The following ARID1A variants were observed in gnomAD, a reference collection of about 807,000 sequenced individuals.
ARID1A encodes AT-rich interaction domain 1A.
Under a neutral mutation model 212.6 loss-of-function variants are expected in ARID1A, and 20 were observed. That is an observed-to-expected ratio of 0.09 (90% CI 0.07 to 0.14). ARID1A has a LOEUF of 0.14. ARID1A is among the 10% of genes least tolerant of loss of function. The probability of loss-of-function intolerance (pLI) is 1.00; values close to 1 mark genes in which losing one functional copy is unlikely to be tolerated. For missense variants in ARID1A, 2,587 were observed against 3,059.0 expected (o/e 0.85, Z 3.64); for synonymous variants, 1,376 against 1,222.1 (o/e 1.13, Z -2.63).
rs767377286 is a variant in ARID1A at position 26,771,490 on chromosome 1, A to G, written c.3406+164A>G. 5.6e-6 allele frequency: 4 copies of G among 713,178 alleles called. No individual in the cohort carries two copies. Among genetic ancestry groups the G allele is most frequent in the Non-Finnish European group, 9.2e-6 (4 of 434,276 alleles). The allele number at this position is 713,178 out of a possible 1,614,324, so 44.2% of individuals were successfully genotyped here. On this transcript the variant is annotated intron_variant, in intron 12 of 19. Transcript: ENST00000324856. The surrounding 1 kb of genome is among the most constrained non-coding windows in gnomAD (Gnocchi z 5.4). ...CAGGTTGGCTGACTAGAGAGTGGGC[A>G]GTGGAAACTCCCTTGGGAGGTACTC...
chr1:26,717,464 T>G (rs2080514244), intron 1 of ARID1A, among the ~76,000 whole-genome samples: 1 of 152,246 alleles, frequency 6.6e-6, no homozygotes, highest in African/African-American at 2.4e-5. Flanking sequence ...TATACTTTTT[T>G]TTCTTTCTCA....
At chr1:26,738,857 C>T (rs1359596259) in intron 4 of ARID1A, among the ~76,000 whole-genome samples, 1 of 149,816 alleles carries the variant, frequency 6.7e-6, no homozygotes, top group Non-Finnish European at 1.5e-5. Flanking sequence ...CTGCGCCCAG[C>T]TTCTGTAACT....
intron 7 of ARID1A, among the ~76,000 whole-genome samples, chr1:26,762,530 G>A (rs1017233369): frequency 6.6e-5 from 10 of 152,284 alleles, no homozygotes; most frequent in African/African-American, 2.4e-4. Flanking sequence ...ATTTCACTGA[G>A]CCTCTGTTTC....
chr1:26,763,094 C>T lies in ARID1A; in HGVS notation c.2541C>T (p.Ile847=), dbSNP rs151274586. ...AGGQMHGQPG[I]PPYGTLPPGR... Reference sequence around the variant, plus strand: ...GTCAAATGCATGGACAGCCTGGCATCCCACCTTATGGCACACTCCCTCCAG... The same window carrying T: ...GTCAAATGCATGGACAGCCTGGCATTCCACCTTATGGCACACTCCCTCCAG... Residue 847 remains isoleucine (I), a synonymous_variant, in exon 8 of 20, where the codon ATC becomes ATT. Coordinates refer to ENST00000324856, the MANE Select transcript of ARID1A (RefSeq NM_006015.6). 2 of 1,614,276 alleles carry T rather than the reference C, an allele frequency of 1.2e-6. No individual in the cohort carries two copies. The highest frequency in any genetic ancestry group is 1.7e-6 in the Non-Finnish European group (2 of 1,180,048).
At chr1:26,742,769 G>A (rs1420684822) in intron 4 of ARID1A, among the ~76,000 whole-genome samples, 1 of 152,048 alleles carries the variant, frequency 6.6e-6, no homozygotes, top group Non-Finnish European at 1.5e-5. Flanking sequence ...GGGAGTTCGA[G>A]AGCAGCCTGA....
At chr1:26,720,128 G>A (rs1005535279) in intron 1 of ARID1A, among the ~76,000 whole-genome samples, 1 of 151,690 alleles carries the variant, frequency 6.6e-6, no homozygotes, top group African/African-American at 2.4e-5. Context: ...GCATGCACCT[G>A]TAATCTCAGC....
At chr1:26,725,852 CTT>C (rs71007888) in intron 1 of ARID1A, among the ~76,000 whole-genome samples, 55 of 126,702 alleles carry the variant, frequency 4.3e-4, no homozygotes, top group Non-Finnish European at 5.5e-4. Context: ...TGGTATAAAC[CTT>C]TTTTTTTTTT....
Position 26,748,100 on chromosome 1 carries a change from C to T in ARID1A, c.1921-12756C>T, listed in dbSNP as rs372292975. ...ACCAGTAGGCTAAGGTAGGGAAGAC[C>T]ACTGACAAGTATAAATTTAAGAGTT... On this transcript the variant is annotated intron_variant, in intron 4 of 19. Coordinates refer to ENST00000324856, the MANE Select transcript of ARID1A (RefSeq NM_006015.6). 1.7e-4 allele frequency among the ~76,000 whole-genome samples: 26 copies of T among 152,036 alleles called. No individual in the cohort carries two copies. In the East Asian group the frequency reaches 1.7e-3, roughly 10 times the overall value.
chr1:26,773,120 C>T (rs1230288370), intron 14 of ARID1A, 133 bp downstream of exon 14: 7 of 1,293,830 alleles, frequency 5.4e-6, no homozygotes, highest in Admixed American at 5.2e-5. Flanking sequence ...CCCTAACTAC[C>T]CCTCTTCATC....
intron 1 of ARID1A, among the ~76,000 whole-genome samples, chr1:26,715,994 C>T (rs936469163): frequency 6.6e-6 from 1 of 151,906 alleles, no homozygotes; most frequent in African/African-American, 2.4e-5. Flanking sequence ...ATCATGAGGT[C>T]AGGAGTTTGA....
Position 26,773,415 on chromosome 1 carries a change from G to A in ARID1A, c.3785G>A (p.Arg1262His), listed in dbSNP as rs140125151. Residue 1262 changes from arginine (R) to histidine (H), a missense_variant, in exon 15 of 20, where the codon CGT becomes CAT. This residue lies in a region of ARID1A where 890 missense variants were observed against 1,098.2 expected (regional missense o/e 0.81). Coordinates refer to ENST00000324856, the MANE Select transcript of ARID1A (RefSeq NM_006015.6). The part of the protein sequence containing the change: ...PNGGMGDPYS[R>H]AAGPGLGNVA... ...GGCGGGATGGGTGACCCCTACAGTC[G>A]TGCTGCCGGCCCTGGGCTAGGAAAT... The A allele has an allele frequency of 1.6e-5, 26 of 1,613,118 alleles. No homozygotes were observed. Among genetic ancestry groups the A allele is most frequent in the South Asian group, 2.2e-5 (2 of 90,920 alleles).
intron 1 of ARID1A, among the ~76,000 whole-genome samples, chr1:26,700,497 C>T (rs1352499858): frequency 2.6e-5 from 4 of 152,102 alleles, no homozygotes; most frequent in East Asian, 1.9e-4. Context: ...TGTTGAATCC[C>T]GGTACTGATG....
intron 4 of ARID1A, among the ~76,000 whole-genome samples, chr1:26,752,485 C>T (rs1050781574): frequency 1.3e-5 from 2 of 152,220 alleles, no homozygotes; most frequent in Admixed American, 6.5e-5. Flanking sequence ...GTCCCTTCTC[C>T]TCTGCTACCC....
At chr1:26,715,953 T>G (rs533731089) in intron 1 of ARID1A, among the ~76,000 whole-genome samples, 1 of 152,096 alleles carries the variant, frequency 6.6e-6, no homozygotes, top group East Asian at 1.9e-4. Context: ...ACGCCTGTAA[T>G]CCCAGTACTT....
In ARID1A at chr1:26,705,738, A is replaced by C. The variant is rs760087134; in HGVS notation, c.1137+8198A>C. Among the ~76,000 whole-genome samples, 57 of 152,290 alleles carry C rather than the reference A, an allele frequency of 3.7e-4. 1 individual carries two copies. Among genetic ancestry groups the C allele is most frequent in the Non-Finnish European group, 7.1e-4 (48 of 68,028 alleles). ...CTTCCTGAAATTACCCCTCCTCTCC[A>C]TTTAAATGGATGAAATTAGTTTTTT... On this transcript the variant is annotated intron_variant, in intron 1 of 19. Transcript: ENST00000324856.
At chr1:26,712,061 A>G (rs988497958) in intron 1 of ARID1A, among the ~76,000 whole-genome samples, 16 of 151,962 alleles carry the variant, frequency 1.1e-4, no homozygotes, top group African/African-American at 3.1e-4. Context: ...AGCCTAGGTG[A>G]CACAGCAAGA....
At chr1:26,777,363 G>C (rs887197887) in intron 19 of ARID1A, among the ~76,000 whole-genome samples, 1 of 151,782 alleles carries the variant, frequency 6.6e-6, no homozygotes. Flanking sequence ...TGGGACTACA[G>C]GTGCGTGCAA....
intron 4 of ARID1A, among the ~76,000 whole-genome samples, chr1:26,736,628 CAAAA>C (rs71007890): frequency 6.8e-5 from 5 of 74,036 alleles, no homozygotes; most frequent in Non-Finnish European, 2.7e-5. Flanking sequence ...GACTCTGTCT[CAAAA>C]AAAAAAAAAA....
At position 26,781,027 on chromosome 1, in the gene ARID1A, A is replaced by G. The variant is rs1227680069; in HGVS notation, c.*271A>G. On this transcript the variant is annotated 3_prime_UTR_variant, in exon 20 of 20. Coordinates refer to ENST00000324856, the MANE Select transcript of ARID1A (RefSeq NM_006015.6). ...TTTGAAAAGACAAAGCTCTGCCTAC[A>G]TAGAAGACTTTTTTTATTTTAACCA... 2 of 369,884 alleles carry G rather than the reference A, an allele frequency of 5.4e-6. No individual in the cohort carries two copies. The highest frequency in any genetic ancestry group is 9.6e-6 in the Non-Finnish European group (2 of 207,270). 22.9% of individuals were successfully genotyped at this position (369,884 alleles called of 1,614,324 possible).
Sources: allele counts gnomAD v4.1 joint callset (sites outside exome capture counted in the v4.1 genomes callset), GRCh38; gene constraint gnomAD v4.1.1; regional missense constraint gnomAD v4.1.1; non-coding constraint Gnocchi (gnomAD v3.1); transcripts MANE v1.5; gene names NCBI Gene and HGNC (gene_info 2026-07-23, HGNC 2026-07-21).